MTUS2: variants seen among roughly 807,000 people sequenced by gnomAD.
The protein encoded by MTUS2 is microtubule associated scaffold protein 2.
A neutral mutation model predicts 114.1 loss-of-function variants in MTUS2; 40 were observed. The observed-to-expected ratio is 0.35, with a 90% CI of 0.27 to 0.46. The LOEUF (loss-of-function observed/expected upper bound fraction) is 0.46, where lower values mean the gene tolerates loss of function less well. MTUS2 is among the 20% of genes least tolerant of loss of function. The pLI, the probability that MTUS2 is intolerant of heterozygous loss-of-function variation, is 1.00. For synonymous variants in MTUS2, 688 were observed against 672.0 expected, an observed-to-expected ratio of 1.02 and a Z score of -0.37; for missense variants, 1,679 against 1,705.4, an observed-to-expected ratio of 0.98 and a Z score of 0.27.
At chr13:28,839,099 G>A (rs1344116553) in intron 1 of MTUS2, among the ~76,000 whole-genome samples, 1 of 151,878 alleles carries the variant, frequency 6.6e-6, no homozygotes, top group Non-Finnish European at 1.5e-5. Flanking sequence ...CCTAATAATA[G>A]CAGGCATTCT....
At chr13:29,291,904 A>T (rs532515518) in intron 6 of MTUS2, among the ~76,000 whole-genome samples, 29 of 152,350 alleles carry the variant, frequency 1.9e-4, no homozygotes, top group African/African-American at 7.0e-4. Flanking sequence ...CTAACATCTA[A>T]GCCCTCCTTG....
intron 6 of MTUS2, among the ~76,000 whole-genome samples, chr13:29,287,324 C>T (rs1898531186): frequency 6.6e-6 from 1 of 152,186 alleles, no homozygotes; most frequent in South Asian, 2.1e-4. Flanking sequence ...GTGCTTCAGG[C>T]CAGGCTCTCT....
At chr13:28,846,221 A>G (rs913593604) in intron 2 of MTUS2, among the ~76,000 whole-genome samples, 2 of 152,086 alleles carry the variant, frequency 1.3e-5, no homozygotes, top group African/African-American at 4.8e-5. Flanking sequence ...ACATTTCTTA[A>G]ATATGGAACC....
At position 29,318,259 on chromosome 13, in the gene MTUS2, T is replaced by G. The variant is rs562094103; in HGVS notation, c.2807-6354T>G. Among the ~76,000 whole-genome samples, 255 of 129,758 alleles carry G rather than the reference T, an allele frequency of 2.0e-3. 1 individual carries two copies. Among genetic ancestry groups the G allele is most frequent in the African/African-American group, 7.8e-3 (236 of 30,128 alleles). The allele number at this position is 129,758 out of a possible 152,430, so 85.1% of individuals were successfully genotyped here. A position where few individuals can be genotyped will look rare whatever the true frequency, so the allele number is the denominator to read the frequency against. On this transcript the variant is annotated intron_variant, in intron 6 of 15. Coordinates refer to ENST00000612955, the MANE Select transcript of MTUS2 (RefSeq NM_001033602.4). ...AAGAGCCTATAAAAATGTTTTAGGTTTTTTTTTTTTTTGATGTGCTGATTT... is the reference window on the plus strand; with the variant it reads ...AAGAGCCTATAAAAATGTTTTAGGTGTTTTTTTTTTTTGATGTGCTGATTT...
intron 2 of MTUS2, among the ~76,000 whole-genome samples, chr13:29,008,653 T>C (rs1885705169): frequency 6.6e-6 from 1 of 152,214 alleles, no homozygotes; most frequent in South Asian, 2.1e-4. Context: ...GTGGAAATCG[T>C]TTTTTCTTGT....
chr13:29,359,163 C>A, intron 7 of MTUS2, 99 bp from the exon 8 acceptor site: 1 of 1,155,902 alleles, frequency 8.7e-7, no homozygotes, highest in Non-Finnish European at 1.2e-6. Flanking sequence ...AATTTCTTCT[C>A]TACCACTTGA....
chr13:28,913,632 A>G (rs1880579316), intron 2 of MTUS2, among the ~76,000 whole-genome samples: 1 of 152,082 alleles, frequency 6.6e-6, no homozygotes, highest in Non-Finnish European at 1.5e-5. Context: ...GGCCTCATAG[A>G]ATGAGTTAAG....
chr13:29,090,614 C>A lies in MTUS2; in HGVS notation c.2447-10159C>A, dbSNP rs76659491. ...AACTATGGCAGTGGCTGCCAGCAAG[C>A]ATTTCAGCAGGGCATTTAAGGCTGT... On this transcript the variant is annotated intron_variant, in intron 4 of 15. Transcript: ENST00000612955. Among the ~76,000 whole-genome samples the A allele has an allele frequency of 7.5e-3, 1,147 of 152,292 alleles. 20 individuals are homozygous for A. The highest frequency in any genetic ancestry group is 0.026 in the African/African-American group (1,084 of 41,568).
intron 2 of MTUS2, among the ~76,000 whole-genome samples, chr13:28,893,652 A>G (rs1879062356): frequency 6.6e-6 from 1 of 152,218 alleles, no homozygotes; most frequent in Admixed American, 6.5e-5. Context: ...CCATGAAGAT[A>G]CTGTGCTTTG....
chr13:29,200,343 G>A (rs994491743), intron 5 of MTUS2, among the ~76,000 whole-genome samples: 8 of 151,678 alleles, frequency 5.3e-5, no homozygotes, highest in Admixed American at 3.9e-4. Context: ...TATAAATTTC[G>A]CTCTAAACAC....
intron 1 of MTUS2, among the ~76,000 whole-genome samples, chr13:28,824,278 T>C (rs925655780): frequency 5.3e-5 from 8 of 152,244 alleles, no homozygotes; most frequent in Admixed American, 2.0e-4. Context: ...CTTTGAGATA[T>C]ATGTGTATCT....
At chr13:28,886,729 T>C (rs1166057022) in intron 2 of MTUS2, among the ~76,000 whole-genome samples, 3 of 152,144 alleles carry the variant, frequency 2.0e-5, no homozygotes, top group Non-Finnish European at 4.4e-5. Context: ...AGAAACTCAC[T>C]GATAAGTAAG....
intron 5 of MTUS2, among the ~76,000 whole-genome samples, chr13:29,106,486 G>A (rs1347336429): frequency 6.6e-6 from 1 of 152,080 alleles, no homozygotes; most frequent in Non-Finnish European, 1.5e-5. Context: ...AGCCTCCTGA[G>A]TAGTTGGAAA....
chr13:28,960,221 C>T (rs1298111505), intron 2 of MTUS2, among the ~76,000 whole-genome samples: 2 of 152,096 alleles, frequency 1.3e-5, no homozygotes, highest in East Asian at 3.9e-4. Context: ...ATAAAAAAGA[C>T]AGGTGATAAG....
chr13:29,150,339 T>C (rs1197100090), intron 5 of MTUS2, among the ~76,000 whole-genome samples: 1 of 152,130 alleles, frequency 6.6e-6, no homozygotes, highest in Admixed American at 6.5e-5. Flanking sequence ...TATTGGCTCC[T>C]CGTATGTCTT....
At chr13:29,306,164 A>G (rs972280180) in intron 6 of MTUS2, among the ~76,000 whole-genome samples, 8 of 152,182 alleles carry the variant, frequency 5.3e-5, no homozygotes, top group African/African-American at 1.7e-4. Context: ...ATATATGACA[A>G]ATGCACAGTC....
intron 8 of MTUS2, among the ~76,000 whole-genome samples, chr13:29,395,949 A>G (rs1873883306): frequency 6.6e-6 from 1 of 152,204 alleles, no homozygotes; most frequent in Admixed American, 6.5e-5. Context: ...CAGGTTTGAA[A>G]TGAAATAACA....
At chr13:28,831,261 C>A (rs577236948) in intron 1 of MTUS2, among the ~76,000 whole-genome samples, 2 of 152,126 alleles carry the variant, frequency 1.3e-5, no homozygotes, top group African/African-American at 2.4e-5. Context: ...CAACAAATAG[C>A]AAAATGGCAG....
intron 2 of MTUS2, among the ~76,000 whole-genome samples, chr13:28,994,453 T>C (rs1223643753): frequency 1.3e-5 from 2 of 152,186 alleles, no homozygotes; most frequent in Non-Finnish European, 2.9e-5. Flanking sequence ...TATTTCTAGT[T>C]CTAGATCCCT....
Sources: allele counts gnomAD v4.1 joint callset (sites outside exome capture counted in the v4.1 genomes callset), GRCh38; gene constraint gnomAD v4.1.1; transcripts MANE v1.5; gene names NCBI Gene and HGNC (gene_info 2026-07-23, HGNC 2026-07-21).